Variants in VWA3A observed in about 807,000 individuals in gnomAD.
VWA3A encodes the protein von Willebrand factor A domain-containing protein 3A.
In VWA3A, 134 loss-of-function variants were observed where a neutral mutation model predicts 160.4. That is an observed-to-expected ratio of 0.84 (90% confidence interval 0.73 to 0.96). The LOEUF (loss-of-function observed/expected upper bound fraction) is 0.96, where lower values mean the gene tolerates loss of function less well. VWA3A is among the 40% of genes least tolerant of loss of function. VWA3A has a pLI of 0.00. For synonymous variants in VWA3A, 476 were observed against 543.4 expected, an observed-to-expected ratio of 0.88 and a Z score of 1.72; for missense variants, 1,310 against 1,447.9, an observed-to-expected ratio of 0.90 and a Z score of 1.55.
intron 5 of VWA3A, 90 bp downstream of exon 5, chr16:22,100,583 C>A: frequency 7.5e-7 from 1 of 1,325,818 alleles, no homozygotes; most frequent in Non-Finnish European, 1.1e-6. Context: ...ACCTGTAATC[C>A]CAGTACTTTG....
intron 30 of VWA3A, among the ~76,000 whole-genome samples, chr16:22,151,776 A>C (rs1246996850): frequency 6.6e-6 from 1 of 152,214 alleles, no homozygotes; most frequent in Non-Finnish European, 1.5e-5. Flanking sequence ...TCAAAAAAAA[A>C]AAAACTTTAT....
chr16:22,152,578 G>C lies in VWA3A; in HGVS notation c.3349G>C (p.Glu1117Gln). The change falls in exon 31 of 34, where the codon GAG (glutamate) becomes CAG (glutamine). Residue 1117 changes from glutamate (E) to glutamine (Q), a missense_variant. Transcript: ENST00000389398. ...TGGRYHCPVG[E>Q]DTLSKIHSLL... ...CGGACGCTATCACTGCCCTGTGGGT[G>C]AGGACACACTCTCCAAAATTCACAG... The C allele has an allele frequency of 6.2e-7, 1 of 1,611,864 alleles. No individual in the cohort carries two copies.
chr16:22,132,612 G>A lies in VWA3A; in HGVS notation c.1873-288G>A, dbSNP rs1164412422. 5.3e-5 allele frequency among the ~76,000 whole-genome samples: 8 copies of A among 152,204 alleles called. No individual in the cohort carries two copies. In the East Asian group the frequency reaches 1.5e-3, roughly 29 times the overall value. ...GCAGATCCTGGTTCAGTAGGTCTGG[G>A]GTGGAGCCTGGGAGTCTGCATTTCT... On this transcript the variant is annotated intron_variant, in intron 19 of 33. Coordinates refer to ENST00000389398, the MANE Select transcript of VWA3A (RefSeq NM_173615.5).
chr16:22,103,428 G>A, intron 5 of VWA3A, 47 bp from the exon 6 acceptor site: 2 of 1,530,946 alleles, frequency 1.3e-6, no homozygotes, highest in Admixed American at 4.0e-5. Context: ...CTGTTGCTCA[G>A]TGATGACGCT....
intron 17 of VWA3A, among the ~76,000 whole-genome samples, chr16:22,130,616 T>C (rs987637216): frequency 1.3e-5 from 2 of 152,098 alleles, no homozygotes; most frequent in African/African-American, 2.4e-5. Context: ...GATTTGTTTG[T>C]TTTTTGAGAT....
chr16:22,113,903 G>A (rs999979578), intron 8 of VWA3A, among the ~76,000 whole-genome samples: 1 of 151,976 alleles, frequency 6.6e-6, no homozygotes, highest in African/African-American at 2.4e-5. Flanking sequence ...CTGGCCTGAA[G>A]GAAACTTTCT....
At chr16:22,151,897 G>C (rs1282675132) in intron 30 of VWA3A, among the ~76,000 whole-genome samples, 1 of 152,092 alleles carries the variant, frequency 6.6e-6, no homozygotes, top group Non-Finnish European at 1.5e-5. Flanking sequence ...GTAGGCACTG[G>C]ATAAATGTCC....
At chr16:22,105,246 G>A (rs1181761364) in intron 6 of VWA3A, among the ~76,000 whole-genome samples, 1 of 152,126 alleles carries the variant, frequency 6.6e-6, no homozygotes, top group East Asian at 1.9e-4. Context: ...TCGCACCTTT[G>A]TCAAAGTGGG....
In VWA3A at chr16:22,103,546, T is replaced by A. The variant is rs528907916; in HGVS notation, c.483+17T>A. ...AGCAAGAAGGTAACGGGCATAGATT[T>A]CATTCTTTGCCCCCTTTCACTCATT... On this transcript the variant is annotated intron_variant, in intron 6 of 33. Coordinates refer to ENST00000389398, the MANE Select transcript of VWA3A (RefSeq NM_173615.5). 6.4e-7 allele frequency: 1 copy of A among 1,551,080 alleles called. No homozygotes were observed. The highest frequency in any genetic ancestry group is 2.4e-5 in the East Asian group (1 of 40,918).
At chr16:22,098,877 C>T (rs895911398) in intron 3 of VWA3A, among the ~76,000 whole-genome samples, 2 of 141,032 alleles carry the variant, frequency 1.4e-5, no homozygotes, top group African/African-American at 2.6e-5. Flanking sequence ...AAGTTTGAGG[C>T]CAGCCTGGGC....
chr16:22,156,886 G>C lies in VWA3A; in HGVS notation c.*869G>C, dbSNP rs577010088. 1 of 152,316 alleles carries C rather than the reference G, an allele frequency of 6.6e-6. No homozygotes were observed. Among genetic ancestry groups the C allele is most frequent in the East Asian group, 1.9e-4 (1 of 5,190 alleles). 9.4% of individuals were successfully genotyped at this position (152,316 alleles called of 1,614,324 possible). A position where few individuals can be genotyped will look rare whatever the true frequency, so the allele number is the denominator to read the frequency against. Reference sequence around the variant, plus strand: ...CTGTTTGAAGTGATCATTGGCGTGTGTGTGTGTGCATAAATTTTTAGTGAC... The same window carrying C: ...CTGTTTGAAGTGATCATTGGCGTGTCTGTGTGTGCATAAATTTTTAGTGAC... On this transcript the variant is annotated 3_prime_UTR_variant, in exon 34 of 34. Transcript: ENST00000389398.
Position 22,118,912 on chromosome 16 carries a change from G to C in VWA3A, c.1001G>C (p.Ser334Thr), listed in dbSNP as rs780100834. 1 of 1,613,870 alleles carries C rather than the reference G, an allele frequency of 6.2e-7. No individual in the cohort carries two copies. Among genetic ancestry groups the C allele is most frequent in the Admixed American group, 1.7e-5 (1 of 60,016 alleles). Residue 334 changes from serine (S) to threonine (T), a missense_variant, in exon 12 of 34, where the codon AGC becomes ACC. Transcript: ENST00000389398. ...CYSPKMEHYT[S>T]RDMDELLAEI... The stretch of plus-strand genomic sequence containing the variant: ...TCTTGCCACCCTCAGCACTACACCA[G>C]CCGGGACATGGATGAGCTCCTGGCA...
intron 11 of VWA3A, among the ~76,000 whole-genome samples, chr16:22,117,842 T>TGG (rs2045672116): frequency 6.6e-6 from 1 of 152,178 alleles, no homozygotes; most frequent in Admixed American, 6.5e-5. Flanking sequence ...GTCCCTGCTT[T>TGG]TCATAGCAGG....
chr16:22,110,617 T>G (rs2045539369), intron 7 of VWA3A, among the ~76,000 whole-genome samples: 1 of 152,226 alleles, frequency 6.6e-6, no homozygotes, highest in South Asian at 2.1e-4. Context: ...GAGAAACCTC[T>G]GTCCTCCCTC....
At chr16:22,109,441 G>C in intron 6 of VWA3A, 41 bp from the exon 7 acceptor site, 1 of 1,514,520 alleles carries the variant, frequency 6.6e-7, no homozygotes, top group Non-Finnish European at 9.0e-7. Flanking sequence ...GAGACACACA[G>C]ACTTGCACTG....
Position 22,149,844 on chromosome 16 carries a change from G to T in VWA3A, c.3042G>T (p.Glu1014Asp), listed in dbSNP as rs1246914951. Residue 1014 changes from glutamate (E) to aspartate (D), a missense_variant, in exon 29 of 34, where the codon GAG becomes GAT. Coordinates refer to ENST00000389398, the MANE Select transcript of VWA3A (RefSeq NM_173615.5). Reference sequence around the variant, plus strand: ...AGTCATGGCAGGACACGCTGGTGGAGACCACAGATGCAGCGTGTCATGAGG... The same window carrying T: ...AGTCATGGCAGGACACGCTGGTGGATACCACAGATGCAGCGTGTCATGAGG... ...SFQSWQDTLVETTDAACHEAM... is the reference protein window; with the variant it reads ...SFQSWQDTLVDTTDAACHEAM... 1.2e-6 allele frequency: 2 copies of T among 1,611,358 alleles called. No individual in the cohort carries two copies. The highest frequency in any genetic ancestry group is 2.7e-5 in the African/African-American group (2 of 74,972).
intron 6 of VWA3A, among the ~76,000 whole-genome samples, chr16:22,105,118 C>T (rs1161954216): frequency 1.3e-5 from 2 of 152,166 alleles, no homozygotes; most frequent in African/African-American, 4.8e-5. Flanking sequence ...TAGCTGGACC[C>T]CTCTGGTTGC....
At chr16:22,111,054 A>C in intron 8 of VWA3A, 60 bp downstream of exon 8, 1 of 1,430,530 alleles carries the variant, frequency 7.0e-7, no homozygotes, top group Non-Finnish European at 9.6e-7. Flanking sequence ...CCTAACCAGC[A>C]GAGTCTTTAT....
At chr16:22,155,466 T>A in intron 31 of VWA3A, 101 bp from the exon 32 acceptor site, 2 of 1,048,870 alleles carry the variant, frequency 1.9e-6, no homozygotes, top group East Asian at 4.7e-5. Context: ...CTGCACTGGA[T>A]GGAAACCAGA....
Sources: gnomAD v4.1 joint callset for allele counts (sites outside exome capture counted in the v4.1 genomes callset) on GRCh38, gnomAD v4.1.1 for gene constraint, MANE v1.5 for transcripts, NCBI Gene and HGNC (gene_info 2026-07-23, HGNC 2026-07-21) for gene names.